Variants in ROR1 observed in about 807,000 individuals in gnomAD.
The protein encoded by ROR1 is inactive tyrosine-protein kinase transmembrane receptor ROR1.
ROR1 carries 19 observed loss-of-function variants against 78.8 expected under a neutral mutation model. The observed-to-expected ratio is 0.24, with a 90% CI of 0.17 to 0.35. The LOEUF (loss-of-function observed/expected upper bound fraction) is 0.35, where lower values mean the gene tolerates loss of function less well. Ranked by LOEUF, ROR1 falls within the 10% of genes least tolerant of loss-of-function variation. ROR1 has a pLI of 1.00. For synonymous variants in ROR1, 386 were observed against 433.6 expected (o/e 0.89, Z 1.36); for missense variants, 917 against 1,177.8 (o/e 0.78, Z 3.24).
intron 4 of ROR1, among the ~76,000 whole-genome samples, chr1:64,107,688 A>G (rs1647881151): frequency 6.6e-6 from 1 of 150,956 alleles, no homozygotes; most frequent in African/African-American, 2.4e-5. Context: ...TTTTTTTTTT[A>G]ACAATTCACT....
At position 64,039,699 on chromosome 1, in the gene ROR1, T is replaced by C. The variant is rs76633818; in HGVS notation, c.164-9992T>C. ...CTGAGGCATCTCCTGTGCATGGTACTGAAATCACAGAGATGACTTATGATG... is the reference window on the plus strand; with the variant it reads ...CTGAGGCATCTCCTGTGCATGGTACCGAAATCACAGAGATGACTTATGATG... On this transcript the variant is annotated intron_variant, in intron 2 of 8. Transcript: ENST00000371079. Among the ~76,000 whole-genome samples, 1,376 of 152,302 alleles carry C rather than the reference T, an allele frequency of 9.0e-3. 22 individuals carry two copies. The highest frequency in any genetic ancestry group is 0.032 in the African/African-American group (1,317 of 41,566).
chr1:63,840,999 T>C (rs1645046350), intron 1 of ROR1, among the ~76,000 whole-genome samples: 1 of 152,244 alleles, frequency 6.6e-6, no homozygotes, highest in Admixed American at 6.5e-5. Context: ...ATGTTCTGCA[T>C]TATCTCTAAC....
chr1:64,052,793 T>C (rs1315040196), intron 4 of ROR1, among the ~76,000 whole-genome samples: 1 of 152,198 alleles, frequency 6.6e-6, no homozygotes, highest in East Asian at 1.9e-4. Context: ...CATGGGGCCT[T>C]TTGCAGTTAC....
In ROR1 at chr1:63,782,562, T is replaced by C. The variant is rs1030141786; in HGVS notation, c.91+8054T>C. ...TTTTGAGGTTTTTTTTTTTTGTTTT[T>C]TTTTTTGTTACAGCTGCTAATGTTA... is the stretch of plus-strand genomic sequence containing the variant. On this transcript the variant is annotated intron_variant, in intron 1 of 8. Coordinates refer to ENST00000371079, the MANE Select transcript of ROR1 (RefSeq NM_005012.4). 2.6e-5 allele frequency among the ~76,000 whole-genome samples: 4 copies of C among 151,878 alleles called. No homozygotes were observed. The East Asian group carries it at 7.7e-4, about 29-fold the overall frequency.
In ROR1 at chr1:64,157,017, CA is replaced by C. The variant is rs562327158; in HGVS notation, c.1175-1963del. 2.6e-4 allele frequency among the ~76,000 whole-genome samples: 39 copies of C among 152,318 alleles called. No homozygotes were observed. In the South Asian group the frequency reaches 7.9e-3, roughly 31 times the overall value. On this transcript the variant is annotated intron_variant, in intron 7 of 8. Coordinates refer to ENST00000371079, the MANE Select transcript of ROR1 (RefSeq NM_005012.4). ...CCTATAAAAATTAGGATAAGGATGT[CA>C]TCTACCTTATAGAGTTGGTTGTGAC... is the stretch of plus-strand genomic sequence containing the variant.
At chr1:63,979,828 G>A (rs866682723) in intron 1 of ROR1, among the ~76,000 whole-genome samples, 53 of 152,288 alleles carry the variant, frequency 3.5e-4, no homozygotes, top group East Asian at 1.3e-3. Context: ...ATCTGAAAAC[G>A]TAGTGCTTGG....
intron 6 of ROR1, 149 bp from the exon 7 acceptor site, chr1:64,142,256 A>T: frequency 2.3e-6 from 3 of 1,288,856 alleles, no homozygotes; most frequent in Non-Finnish European, 3.1e-6. Context: ...CAAAGCAGGG[A>T]GACTGTCCTG....
intron 7 of ROR1, among the ~76,000 whole-genome samples, chr1:64,151,808 C>G (rs543245470): frequency 4.6e-4 from 70 of 151,402 alleles, no homozygotes; most frequent in Non-Finnish European, 8.1e-4. Flanking sequence ...TGCTTGAACC[C>G]CAGAGGGGAG....
intron 1 of ROR1, among the ~76,000 whole-genome samples, chr1:63,953,093 G>C (rs144381327): frequency 2.1e-4 from 32 of 152,242 alleles, no homozygotes; most frequent in Admixed American, 7.8e-4. Context: ...TGAGTGTGGG[G>C]AGGCATTCAC....
intron 1 of ROR1, among the ~76,000 whole-genome samples, chr1:63,783,064 G>T (rs1644662687): frequency 6.6e-6 from 1 of 152,150 alleles, no homozygotes; most frequent in Non-Finnish European, 1.5e-5. Context: ...CTGCTCTGGG[G>T]GTCTCCATGG....
rs139614091 is a variant in ROR1, at chr1:63,817,748, T to A, written c.91+43240T>A. Among the ~76,000 whole-genome samples the A allele has an allele frequency of 3.9e-4, 60 of 152,296 alleles. No individual in the cohort carries two copies. The East Asian group carries it at 0.011, about 27-fold the overall frequency. Reference sequence around the variant, plus strand: ...TTAAAGGGAGGGCAGAATTCCGATTTCTTGTCTCAATTTCATTTGTTTGGG... The same window carrying A: ...TTAAAGGGAGGGCAGAATTCCGATTACTTGTCTCAATTTCATTTGTTTGGG... On this transcript the variant is annotated intron_variant, in intron 1 of 8. Coordinates refer to ENST00000371079, the MANE Select transcript of ROR1 (RefSeq NM_005012.4).
chr1:63,874,881 T>G (rs1645274686), intron 1 of ROR1, among the ~76,000 whole-genome samples: 1 of 152,134 alleles, frequency 6.6e-6, no homozygotes, highest in South Asian at 2.1e-4. Context: ...AATTTTTTTT[T>G]GTAAAATACT....
At chr1:63,785,691 A>G (rs2100227704) in intron 1 of ROR1, among the ~76,000 whole-genome samples, 1 of 150,942 alleles carries the variant, frequency 6.6e-6, no homozygotes, top group Non-Finnish European at 1.5e-5. Flanking sequence ...ACGCCCGGCT[A>G]ATTTTTGTAT....
intron 1 of ROR1, among the ~76,000 whole-genome samples, chr1:63,820,793 T>G (rs1644919126): frequency 6.6e-6 from 1 of 152,184 alleles, no homozygotes; most frequent in Non-Finnish European, 1.5e-5. Flanking sequence ...ATAACAAGCC[T>G]TAGAGATAAG....
At chr1:63,940,136 C>T (rs1189895376) in intron 1 of ROR1, among the ~76,000 whole-genome samples, 2 of 152,080 alleles carry the variant, frequency 1.3e-5, no homozygotes, top group Non-Finnish European at 2.9e-5. Flanking sequence ...TTTATTCATT[C>T]AGTCATTTGA....
At chr1:63,848,674 G>A (rs1645096351) in intron 1 of ROR1, among the ~76,000 whole-genome samples, 1 of 151,584 alleles carries the variant, frequency 6.6e-6, no homozygotes, top group South Asian at 2.1e-4. Flanking sequence ...ATCTTATTTT[G>A]GTTCTTTTTA....
chr1:63,869,389 T>C (rs1473574455), intron 1 of ROR1, among the ~76,000 whole-genome samples: 1 of 152,230 alleles, frequency 6.6e-6, no homozygotes, highest in Non-Finnish European at 1.5e-5. Context: ...TCATTGTGAC[T>C]GGGCCAACTT....
chr1:63,938,449 C>G (rs1645810521), intron 1 of ROR1, among the ~76,000 whole-genome samples: 1 of 152,084 alleles, frequency 6.6e-6, no homozygotes, highest in East Asian at 1.9e-4. Context: ...TGCACCTCCC[C>G]TTAGTGACTT....
At chr1:63,897,247 CAAAAT>C (rs1432906368) in intron 1 of ROR1, among the ~76,000 whole-genome samples, 1 of 152,144 alleles carries the variant, frequency 6.6e-6, no homozygotes, top group Non-Finnish European at 1.5e-5. Flanking sequence ...TAACCTTCGA[CAAAAT>C]AAAAGGATAT....
Sources: allele counts gnomAD v4.1 joint callset (sites outside exome capture counted in the v4.1 genomes callset), GRCh38; gene constraint gnomAD v4.1.1; transcripts MANE v1.5; gene names NCBI Gene and HGNC (gene_info 2026-07-23, HGNC 2026-07-21).